ANK2: variants seen among roughly 807,000 people sequenced by gnomAD.
The protein encoded by ANK2 is ankyrin 2, also known as ankyrin-2.
Under a neutral mutation model 360.5 loss-of-function variants are expected in ANK2, and 83 were observed. The observed-to-expected ratio is 0.23, with a 90% CI of 0.19 to 0.28. The LOEUF is 0.28. Among genes scored for constraint, ANK2 ranks in the 10% least tolerant of loss-of-function variants. The pLI, the probability that ANK2 is intolerant of heterozygous loss-of-function variation, is 1.00. For synonymous variants in ANK2, 1,740 were observed against 1,759.5 expected, an observed-to-expected ratio of 0.99 and a Z score of 0.28; for missense variants, 4,201 against 4,795.7, an observed-to-expected ratio of 0.88 and a Z score of 3.66.
the ANK2 span, among the ~76,000 whole-genome samples, chr4:112,727,411 A>G: frequency 6.6e-6 from 1 of 152,064 alleles, no homozygotes; most frequent in South Asian, 2.1e-4. Flanking sequence ...ATTACACCTT[A>G]AAGAACTAGA....
intron 5 of ANK2, among the ~76,000 whole-genome samples, chr4:113,235,019 T>C (rs1483276874): frequency 6.6e-6 from 1 of 152,156 alleles, no homozygotes; most frequent in Non-Finnish European, 1.5e-5. Flanking sequence ...CCAGTACCAT[T>C]TTTATACAGT....
chr4:112,968,196 T>C (rs1244452916), intron 2 of ANK2, among the ~76,000 whole-genome samples: 1 of 152,230 alleles, frequency 6.6e-6, no homozygotes, highest in Non-Finnish European at 1.5e-5. Flanking sequence ...CTGAGATCTG[T>C]ATTACTTACT....
At chr4:113,085,882 G>A (rs671390) in intron 1 of ANK2, among the ~76,000 whole-genome samples, 4,039 of 152,068 alleles carry the variant, frequency 0.027, 164 homozygotes, top group African/African-American at 0.092. Context: ...TCTTGTAAAA[G>A]GAATAGATTC....
intron 1 of ANK2, among the ~76,000 whole-genome samples, chr4:113,157,988 T>C (rs1210684868): frequency 6.6e-6 from 1 of 152,228 alleles, no homozygotes; most frequent in Non-Finnish European, 1.5e-5. Context: ...GAACAAAATA[T>C]GTAAGGTGCA....
upstream of ANK2, among the ~76,000 whole-genome samples, chr4:112,813,464 G>A (rs973936683): frequency 2.0e-5 from 3 of 151,990 alleles, no homozygotes; most frequent in Admixed American, 1.3e-4. Flanking sequence ...ACAGAATGCC[G>A]ATGAATAGTA....
chr4:113,005,584 G>T (rs1221704759), intron 2 of ANK2, among the ~76,000 whole-genome samples: 1 of 152,156 alleles, frequency 6.6e-6, no homozygotes, highest in Non-Finnish European at 1.5e-5. Context: ...GACTGTGAGG[G>T]GTGGGTAGGA....
upstream of ANK2, among the ~76,000 whole-genome samples, chr4:113,046,886 AC>A (rs1184537484): frequency 1.3e-5 from 2 of 152,242 alleles, no homozygotes; most frequent in Non-Finnish European, 2.9e-5. Context: ...ATCAGAAGTT[AC>A]TAATTCATAA....
the ANK2 span, among the ~76,000 whole-genome samples, chr4:112,756,103 G>A: frequency 6.6e-6 from 1 of 151,922 alleles, no homozygotes; most frequent in Non-Finnish European, 1.5e-5. Context: ...GCCGGGTGTG[G>A]TGGCGGGTGC....
chr4:113,230,274 C>T (rs1045598422), intron 4 of ANK2, among the ~76,000 whole-genome samples: 2 of 152,094 alleles, frequency 1.3e-5, no homozygotes, highest in Non-Finnish European at 2.9e-5. Context: ...TACTTGTATA[C>T]TCTGTCTTTA....
intron 1 of ANK2, among the ~76,000 whole-genome samples, chr4:113,079,874 G>A (rs1045537774): frequency 1.3e-5 from 2 of 149,998 alleles, no homozygotes; most frequent in Non-Finnish European, 3.0e-5. Flanking sequence ...TTTAAATAAA[G>A]TGAACCTGTT....
intron 2 of ANK2, among the ~76,000 whole-genome samples, chr4:112,994,012 A>T (rs1453023404): frequency 6.6e-6 from 1 of 152,118 alleles, no homozygotes; most frequent in African/African-American, 2.4e-5. Flanking sequence ...CCGGCCGGCA[A>T]CTGCATTCTT....
At chr4:113,111,694 A>G (rs1317079956) in intron 1 of ANK2, among the ~76,000 whole-genome samples, 1 of 152,188 alleles carries the variant, frequency 6.6e-6, no homozygotes, top group African/African-American at 2.4e-5. Context: ...AAATCAGTAT[A>G]TTTTTTGGAA....
intron 13 of ANK2, among the ~76,000 whole-genome samples, chr4:113,263,775 T>A (rs2054370772): frequency 6.6e-6 from 1 of 152,256 alleles, no homozygotes; most frequent in South Asian, 2.1e-4. Context: ...CAATCTGTAA[T>A]AATTTTTATT....
In ANK2 at chr4:113,122,104, T is replaced by C. The variant is rs1280922618; in HGVS notation, c.85-52312T>C. Among the ~76,000 whole-genome samples, 3 of 152,272 alleles carry C rather than the reference T, an allele frequency of 2.0e-5. No homozygotes were observed. In the South Asian group the frequency reaches 6.2e-4, roughly 32 times the overall value. On this transcript the variant is annotated intron_variant, in intron 1 of 45. Coordinates refer to ENST00000357077, the MANE Select transcript of ANK2 (RefSeq NM_001148.6). ...AATGAGTTGAAAGTGAATTGTGTTA[T>C]AAGAATGAGTTGAAAGTGTGTTATA...
At chr4:112,871,756 G>T (rs1173649132) in intron 1 of ANK2, among the ~76,000 whole-genome samples, 1 of 152,100 alleles carries the variant, frequency 6.6e-6, no homozygotes. Flanking sequence ...TCTTTATCAA[G>T]TTCAGGAATT....
chr4:112,898,461 A>G (rs1247964032), intron 1 of ANK2, among the ~76,000 whole-genome samples: 1 of 152,064 alleles, frequency 6.6e-6, no homozygotes, highest in African/African-American at 2.4e-5. Context: ...TCATAATTAG[A>G]CTGGATTACA....
At chr4:113,077,663 G>A (rs2080665585) in intron 1 of ANK2, among the ~76,000 whole-genome samples, 1 of 152,190 alleles carries the variant, frequency 6.6e-6, no homozygotes, top group African/African-American at 2.4e-5. Flanking sequence ...GTGCATATCT[G>A]CCACCTTAAA....
At chr4:112,825,351 A>T (rs892748849) in intron 1 of ANK2, among the ~76,000 whole-genome samples, 2 of 152,276 alleles carry the variant, frequency 1.3e-5, no homozygotes, top group Admixed American at 6.5e-5. Context: ...AAAAAAATTT[A>T]AAAAAAGAAA....
the ANK2 span, among the ~76,000 whole-genome samples, chr4:112,767,422 G>A: frequency 6.6e-6 from 1 of 152,054 alleles, no homozygotes; most frequent in Admixed American, 6.6e-5. Context: ...TTAGCCGGGT[G>A]TGGTGGCATG....
Sources: allele counts gnomAD v4.1 joint callset (sites outside exome capture counted in the v4.1 genomes callset), GRCh38; gene constraint gnomAD v4.1.1; transcripts MANE v1.5; gene names NCBI Gene and HGNC (gene_info 2026-07-23, HGNC 2026-07-21).